Variants in SLC71A2 observed in about 807,000 individuals in gnomAD.
SLC71A2 encodes solute carrier family 71 member 2.
At chr9:94,460,799 T>G in the SLC71A2 span, 1 of 152,614 alleles carries the variant, frequency 6.6e-6, no homozygotes, top group Non-Finnish European at 1.5e-5. Flanking sequence ...TGAATACATT[T>G]AAAAGAAAAT....
the SLC71A2 span, among the ~76,000 whole-genome samples, chr9:94,436,840 C>T: frequency 1.3e-5 from 2 of 152,158 alleles, no homozygotes; most frequent in African/African-American, 2.4e-5. Flanking sequence ...CTATTCAATT[C>T]ACCAAACGTA....
At chr9:94,437,977 A>G in the SLC71A2 span, among the ~76,000 whole-genome samples, 6 of 151,804 alleles carry the variant, frequency 4.0e-5, no homozygotes, top group South Asian at 1.2e-3. Flanking sequence ...TGCCCAGCCT[A>G]GAGTACAAAG....
the SLC71A2 span, among the ~76,000 whole-genome samples, chr9:94,415,919 T>G: frequency 7.2e-5 from 11 of 152,194 alleles, no homozygotes; most frequent in Admixed American, 7.2e-4. Context: ...ATATTAATGG[T>G]CTTTGACTTA....
chr9:94,456,910 T>A, the SLC71A2 span, among the ~76,000 whole-genome samples: 1 of 152,098 alleles, frequency 6.6e-6, no homozygotes, highest in African/African-American at 2.4e-5. Context: ...CTTCCCTTCC[T>A]GTCCTGTCTT....
the SLC71A2 span, chr9:94,429,307 G>A: frequency 6.6e-7 from 1 of 1,520,560 alleles, no homozygotes; most frequent in South Asian, 1.3e-5. Flanking sequence ...ATCCTTGGTA[G>A]TTTAACTCTG....
the SLC71A2 span, among the ~76,000 whole-genome samples, chr9:94,424,727 CTT>C: frequency 1.1e-5 from 1 of 91,828 alleles, no homozygotes; most frequent in East Asian, 3.0e-4. Context: ...TTGTTTTCTG[CTT>C]TTTTTTTTTT....
the SLC71A2 span, among the ~76,000 whole-genome samples, chr9:94,385,503 G>A: frequency 4.6e-5 from 7 of 152,032 alleles, no homozygotes; most frequent in Non-Finnish European, 8.8e-5. Context: ...TATGTTTTTA[G>A]CTCTTATGTG....
At chr9:94,459,589 T>TAA in the SLC71A2 span, 2 of 568,534 alleles carry the variant, frequency 3.5e-6, no homozygotes, top group East Asian at 5.7e-5. Flanking sequence ...TTTTTTCTCT[T>TAA]ACATTCTTTT....
At chr9:94,430,262 G>T in the SLC71A2 span, among the ~76,000 whole-genome samples, 2 of 134,964 alleles carry the variant, frequency 1.5e-5, no homozygotes, top group South Asian at 2.4e-4. Context: ...TCGCTCTGTT[G>T]CCCAGGCTGG....
At chr9:94,433,756 A>G in the SLC71A2 span, among the ~76,000 whole-genome samples, 1 of 152,146 alleles carries the variant, frequency 6.6e-6, no homozygotes, top group African/African-American at 2.4e-5. Flanking sequence ...TCCTCACAAA[A>G]CCATTAGAAT....
At chr9:94,416,010 G>A in the SLC71A2 span, among the ~76,000 whole-genome samples, 12 of 152,166 alleles carry the variant, frequency 7.9e-5, no homozygotes, top group Admixed American at 5.2e-4. Flanking sequence ...TCAGTTTTTC[G>A]TAGCTTATCT....
the SLC71A2 span, among the ~76,000 whole-genome samples, chr9:94,440,706 A>G: frequency 2.6e-5 from 4 of 152,216 alleles, no homozygotes; most frequent in Admixed American, 6.5e-5. Context: ...GGCTACCTTT[A>G]AAAATATAAC....
the SLC71A2 span, chr9:94,444,852 G>C: frequency 1.1e-6 from 1 of 890,802 alleles, no homozygotes. Context: ...GACCCTGGTT[G>C]AGTGTGCTTT....
chr9:94,415,333 A>G, the SLC71A2 span: 2 of 1,007,798 alleles, frequency 2.0e-6, no homozygotes, highest in Non-Finnish European at 3.2e-6. Context: ...GTATGTCTAG[A>G]TACGTGTTTG....
the SLC71A2 span, among the ~76,000 whole-genome samples, chr9:94,378,760 C>T: frequency 6.6e-6 from 1 of 152,102 alleles, no homozygotes; most frequent in Non-Finnish European, 1.5e-5. Context: ...CTGGGGGTCA[C>T]ATTTCAACAT....
the SLC71A2 span, among the ~76,000 whole-genome samples, chr9:94,419,271 G>C: frequency 6.7e-6 from 1 of 149,914 alleles, no homozygotes; most frequent in East Asian, 2.0e-4. Flanking sequence ...GCACCACCAC[G>C]CTTGGCTAAA....
chr9:94,430,253 C>T, the SLC71A2 span, among the ~76,000 whole-genome samples: 26 of 146,440 alleles, frequency 1.8e-4, no homozygotes, highest in African/African-American at 4.3e-4. Flanking sequence ...GATGGAGTCT[C>T]GCTCTGTTGC....
chr9:94,451,999 A>G, the SLC71A2 span, among the ~76,000 whole-genome samples: 6 of 152,312 alleles, frequency 3.9e-5, no homozygotes, highest in South Asian at 4.1e-4. Context: ...TTGCACCAGC[A>G]TCATCTGCCA....
At chr9:94,451,165 A>G in the SLC71A2 span, among the ~76,000 whole-genome samples, 7 of 152,214 alleles carry the variant, frequency 4.6e-5, no homozygotes, top group Admixed American at 2.0e-4. Context: ...ACTTGATACC[A>G]TATTTATCAA....
Sources: allele counts gnomAD v4.1 joint callset (sites outside exome capture counted in the v4.1 genomes callset), GRCh38; gene constraint gnomAD v4.1.1; transcripts MANE v1.5; gene names NCBI Gene and HGNC (gene_info 2026-07-23, HGNC 2026-07-21).